Variants in KLHL8 observed in about 807,000 individuals in gnomAD.
KLHL8 encodes kelch like family member 8, also known as kelch-like protein 8.
A neutral mutation model predicts 63.5 loss-of-function variants in KLHL8; 38 were observed. The ratio of observed to expected loss-of-function variants is 0.60; its 90% CI spans 0.46 to 0.78. KLHL8 has a LOEUF of 0.78. Ranked by LOEUF, KLHL8 falls within the 30% of genes least tolerant of loss-of-function variation. KLHL8 has a pLI of 0.00. For missense variants in KLHL8, 566 were observed against 752.4 expected, an observed-to-expected ratio of 0.75 and a Z score of 2.90; for synonymous variants, 224 against 254.3, an observed-to-expected ratio of 0.88 and a Z score of 1.13.
intron 2 of KLHL8, among the ~76,000 whole-genome samples, chr4:87,195,062 G>C (rs1201391761): frequency 3.9e-5 from 6 of 152,046 alleles, no homozygotes; most frequent in Non-Finnish European, 8.8e-5. Context: ...TGTTGTTCTA[G>C]GGTTTCAGAA....
intron 5 of KLHL8, among the ~76,000 whole-genome samples, chr4:87,178,054 A>G (rs1387834631): frequency 6.6e-6 from 1 of 152,160 alleles, no homozygotes; most frequent in African/African-American, 2.4e-5. Context: ...TTTATAATAA[A>G]AAAGTGATCT....
chr4:87,170,723 A>T, intron 6 of KLHL8, 108 bp from the exon 7 acceptor site: 1 of 943,936 alleles, frequency 1.1e-6, no homozygotes, highest in Non-Finnish European at 1.6e-6. Context: ...ACCTTCAAAC[A>T]GTATAGTTTG....
intron 2 of KLHL8, among the ~76,000 whole-genome samples, chr4:87,189,145 G>C (rs6815528): frequency 0.03 from 4,584 of 152,252 alleles, 245 homozygotes; most frequent in African/African-American, 0.11. Flanking sequence ...GAAACAGACG[G>C]GTCAGTTACA....
chr4:87,223,519 C>G (rs1382353419), upstream of KLHL8, among the ~76,000 whole-genome samples: 1 of 152,096 alleles, frequency 6.6e-6, no homozygotes, highest in African/African-American at 2.4e-5. Context: ...AGTCCCTGCT[C>G]TCATGGAGAC....
At chr4:87,187,166 G>C (rs1210181806) in intron 2 of KLHL8, among the ~76,000 whole-genome samples, 2 of 152,112 alleles carry the variant, frequency 1.3e-5, no homozygotes, top group African/African-American at 4.8e-5. Context: ...GTGAATATGT[G>C]AATACATAAT....
intron 4 of KLHL8, 27 bp from the exon 5 acceptor site, chr4:87,178,647 T>C: frequency 6.7e-7 from 1 of 1,488,736 alleles, no homozygotes; most frequent in Non-Finnish European, 8.9e-7. Context: ...AAAATAGAGA[T>C]AAATCATAGC....
chr4:87,208,857 T>C (rs1039810754), intron 1 of KLHL8, among the ~76,000 whole-genome samples: 2 of 152,258 alleles, frequency 1.3e-5, no homozygotes, highest in Admixed American at 6.5e-5. Context: ...CAGCGTACTA[T>C]TTCTATGAAA....
rs1001574875 is a variant in KLHL8, at chr4:87,227,046, A to T, written n.58-5656T>A. 4.7e-5 allele frequency among the ~76,000 whole-genome samples: 6 copies of T among 127,270 alleles called. No homozygotes were observed. In the East Asian group the frequency reaches 1.0e-3, roughly 22 times the overall value. The allele number at this position is 127,270 out of a possible 152,430, so 83.5% of individuals were successfully genotyped here. A position where few individuals can be genotyped will look rare whatever the true frequency, so the allele number is the denominator to read the frequency against. The stretch of plus-strand genomic sequence containing the variant: ...TATATTATATTTCCTTTCTGATATC[A>T]TCTTCACATTCTCATAATAGAGTCA... On this transcript the variant is annotated intron_variant and non_coding_transcript_variant, in intron 1 of 1. Coordinates refer to the KLHL8 transcript ENST00000506274.
intron 1 of KLHL8, among the ~76,000 whole-genome samples, chr4:87,237,787 A>T (rs1007147297): frequency 4.0e-4 from 61 of 152,318 alleles, no homozygotes; most frequent in Non-Finnish European, 8.5e-4. Context: ...ATCTTGGCTC[A>T]CTGCACTTCA....
Position 87,170,184 on chromosome 4 carries a change from C to T in KLHL8, c.1432G>A (p.Glu478Lys). 1 of 1,614,036 alleles carries T rather than the reference C, an allele frequency of 6.2e-7. No individual in the cohort carries two copies. Among genetic ancestry groups the T allele is most frequent in the Non-Finnish European group, 8.5e-7 (1 of 1,179,924 alleles). ...NDGMASLSSV[E>K]RYDPHLDKWI... ...TTATCCAGATGTGGATCATATCTCTCCACGCTAGATAAAGAAGCCATTCCA... is the reference window on the plus strand; with the variant it reads ...TTATCCAGATGTGGATCATATCTCTTCACGCTAGATAAAGAAGCCATTCCA... Residue 478 changes from glutamate (E) to lysine (K), a missense_variant, in exon 8 of 10, where the codon GAG (glutamate) becomes AAG (lysine). By Grantham distance (56) the Glu-to-Lys change is moderately conservative. Transcript: ENST00000273963.
intron 8 of KLHL8, among the ~76,000 whole-genome samples, chr4:87,165,857 T>C (rs1730378169): frequency 6.6e-6 from 1 of 152,244 alleles, no homozygotes; most frequent in South Asian, 2.1e-4. Flanking sequence ...TTCAATTTTT[T>C]CTTATTCAAA....
At chr4:87,177,232 T>A (rs1730857870) in intron 5 of KLHL8, among the ~76,000 whole-genome samples, 1 of 152,098 alleles carries the variant, frequency 6.6e-6, no homozygotes, top group Non-Finnish European at 1.5e-5. Flanking sequence ...ATAAAACTGG[T>A]GGCTGGGCAT....
At chr4:87,215,060 C>T (rs1027431595) in intron 1 of KLHL8, among the ~76,000 whole-genome samples, 1 of 152,078 alleles carries the variant, frequency 6.6e-6, no homozygotes, top group African/African-American at 2.4e-5. Flanking sequence ...CGGCCTCCCA[C>T]GGTGCTGGAA....
intron 1 of KLHL8, among the ~76,000 whole-genome samples, chr4:87,238,301 A>G (rs766031360): frequency 6.6e-6 from 1 of 152,242 alleles, no homozygotes; most frequent in Admixed American, 6.5e-5. Flanking sequence ...GTAGAGAAGA[A>G]GAAAAAAGAG....
intron 1 of KLHL8, among the ~76,000 whole-genome samples, chr4:87,198,042 G>A (rs187813265): frequency 2.0e-5 from 3 of 150,498 alleles, no homozygotes; most frequent in Non-Finnish European, 2.9e-5. Flanking sequence ...TTAGTGGCCC[G>A]GTGCAGTGGC....
chr4:87,217,728 A>ATCC (rs2110056477), intron 1 of KLHL8, among the ~76,000 whole-genome samples: 1 of 150,678 alleles, frequency 6.6e-6, no homozygotes, highest in South Asian at 2.1e-4. Context: ...GGCTCAAGCA[A>ATCC]TCCTCCTGCC....
intron 1 of KLHL8, among the ~76,000 whole-genome samples, chr4:87,199,825 T>TCAAAA (rs966202760): frequency 4.6e-5 from 7 of 151,112 alleles, no homozygotes; most frequent in Non-Finnish European, 8.8e-5. Context: ...AGCACCTGTC[T>TCAAAA]CAAAACAAAA....
intron 4 of KLHL8, among the ~76,000 whole-genome samples, chr4:87,182,983 C>T (rs1181009774): frequency 6.6e-6 from 1 of 151,780 alleles, no homozygotes; most frequent in Non-Finnish European, 1.5e-5. Context: ...GTAGGCTCTT[C>T]AGAGTATACA....
intron 2 of KLHL8, among the ~76,000 whole-genome samples, chr4:87,186,459 A>G (rs1445151210): frequency 6.6e-6 from 1 of 150,568 alleles, no homozygotes; most frequent in Non-Finnish European, 1.5e-5. Flanking sequence ...CACTCATTAC[A>G]TGCCAACCAC....
Sources: allele counts gnomAD v4.1 joint callset (sites outside exome capture counted in the v4.1 genomes callset), GRCh38; gene constraint gnomAD v4.1.1; transcripts MANE v1.5; gene names NCBI Gene and HGNC (gene_info 2026-07-23, HGNC 2026-07-21).